LRRN1: variants seen among roughly 807,000 people sequenced by gnomAD.
The protein encoded by LRRN1 is leucine rich repeat neuronal 1.
A neutral mutation model predicts 45.8 loss-of-function variants in LRRN1; 14 were observed. That is an observed-to-expected ratio of 0.31 (90% CI 0.20 to 0.48). The LOEUF (loss-of-function observed/expected upper bound fraction) is 0.48. Ranked by LOEUF, LRRN1 falls within the 20% of genes least tolerant of loss-of-function variation. The pLI, the probability that LRRN1 is intolerant of heterozygous loss-of-function variation, is 0.99. For missense variants in LRRN1, 789 were observed against 874.2 expected (o/e 0.90, Z 1.23); for synonymous variants, 359 against 330.1 (o/e 1.09, Z -0.95).
chr3:3,809,183 G>A (rs1013348952), intron 1 of LRRN1, among the ~76,000 whole-genome samples: 2 of 151,930 alleles, frequency 1.3e-5, no homozygotes, highest in East Asian at 1.9e-4. Context: ...TGTTTCTGTC[G>A]CCCAGGCTGG....
intron 1 of LRRN1, among the ~76,000 whole-genome samples, chr3:3,825,804 G>A (rs977283665): frequency 2.6e-5 from 4 of 152,310 alleles, no homozygotes; most frequent in Non-Finnish European, 4.4e-5. Flanking sequence ...CTTCTGAGCA[G>A]AGAGTCACAC....
intron 1 of LRRN1, among the ~76,000 whole-genome samples, chr3:3,817,555 T>A (rs1337196826): frequency 6.6e-6 from 1 of 152,238 alleles, no homozygotes; most frequent in Non-Finnish European, 1.5e-5. Flanking sequence ...GGAAGGGATA[T>A]GTTCTTGACA....
chr3:3,806,690 T>C (rs1473657320), intron 1 of LRRN1, among the ~76,000 whole-genome samples: 1 of 152,208 alleles, frequency 6.6e-6, no homozygotes, highest in Non-Finnish European at 1.5e-5. Flanking sequence ...CTGCCTCATA[T>C]TTTAGAGCTT....
At chr3:3,817,767 A>G (rs574736504) in intron 1 of LRRN1, among the ~76,000 whole-genome samples, 5 of 152,322 alleles carry the variant, frequency 3.3e-5, no homozygotes, top group South Asian at 2.1e-4. Flanking sequence ...TTTAAAAAAT[A>G]TAACAAAAGA....
intron 1 of LRRN1, among the ~76,000 whole-genome samples, chr3:3,806,456 C>T (rs1158663485): frequency 2.6e-5 from 4 of 152,180 alleles, no homozygotes; most frequent in African/African-American, 7.2e-5. Context: ...CCTCTTTGAA[C>T]ATAAGGGGGT....
intron 1 of LRRN1, among the ~76,000 whole-genome samples, chr3:3,834,955 T>C (rs1693474733): frequency 6.6e-6 from 1 of 152,108 alleles, no homozygotes; most frequent in South Asian, 2.1e-4. Context: ...GTTAATGCTT[T>C]GTATCCCTCA....
At chr3:3,814,467 G>A (rs1408402151) in intron 1 of LRRN1, among the ~76,000 whole-genome samples, 3 of 151,892 alleles carry the variant, frequency 2.0e-5, no homozygotes, top group Non-Finnish European at 2.9e-5. Flanking sequence ...ACTCAGGGTT[G>A]TTTGCCCATC....
At position 3,846,950 on chromosome 3, in the gene LRRN1, G is replaced by C; in HGVS notation, c.*158G>C. On this transcript the variant is annotated 3_prime_UTR_variant, in exon 2 of 2. Coordinates refer to ENST00000319331, the MANE Select transcript of LRRN1 (RefSeq NM_020873.7). This position sits in a 1 kb window ranked among gnomAD's most constrained non-coding sequence, Gnocchi z 5.7. ...ATATTTCAAATTTTTTTAGTATAGC[G>C]TATCGCAAGGGTTTGACACGGCTGC... 3.4e-6 allele frequency: 2 copies of C among 585,192 alleles called. No individual in the cohort carries two copies. Among genetic ancestry groups the C allele is most frequent in the Non-Finnish European group, 5.9e-6 (2 of 336,500 alleles). The allele number at this position is 585,192 out of a possible 1,614,324, so 36.2% of individuals were successfully genotyped here. A position where few individuals can be genotyped will look rare whatever the true frequency, so the allele number is the denominator to read the frequency against.
At chr3:3,812,700 GTCTT>G (rs1257026926) in intron 1 of LRRN1, among the ~76,000 whole-genome samples, 1 of 151,538 alleles carries the variant, frequency 6.6e-6, no homozygotes. Context: ...GCATGTCATT[GTCTT>G]ACATGTGTGG....
intron 1 of LRRN1, among the ~76,000 whole-genome samples, chr3:3,828,950 C>A (rs891779179): frequency 1.3e-5 from 2 of 151,704 alleles, no homozygotes; most frequent in Non-Finnish European, 2.9e-5. Flanking sequence ...ATTCCCTTTG[C>A]CTTCAGCAAG....
In LRRN1 at chr3:3,846,078, T is replaced by C. The variant is rs1236477073; in HGVS notation, c.1437T>C (p.Ser479=). 6.2e-7 allele frequency: 1 copy of C among 1,614,086 alleles called. No individual in the cohort carries two copies. Among genetic ancestry groups the C allele is most frequent in the East Asian group, 2.2e-5 (1 of 44,876 alleles). Reference sequence around the variant, plus strand: ...CCCTTTCAGATAAATACAAGCTAAGTAGCGAAGGTACCTTGGAAATATCTA... The same window carrying C: ...CCCTTTCAGATAAATACAAGCTAAGCAGCGAAGGTACCTTGGAAATATCTA... ...VETLSDKYKL[S]SEGTLEISNI... Residue 479 remains serine, a synonymous_variant, in exon 2 of 2, where the codon AGT becomes AGC. Coordinates refer to ENST00000319331, the MANE Select transcript of LRRN1 (RefSeq NM_020873.7). The surrounding 1 kb of genome is among the most constrained non-coding windows in gnomAD (Gnocchi z 5.7).
At chr3:3,841,384 A>G (rs979294585) in intron 1 of LRRN1, among the ~76,000 whole-genome samples, 1 of 152,214 alleles carries the variant, frequency 6.6e-6, no homozygotes, top group Non-Finnish European at 1.5e-5. Flanking sequence ...TGACTGAGAA[A>G]TAACCTGTGG....
rs535307981 is a variant in LRRN1 at position 3,849,166 on chromosome 3, A to G, written c.*2374A>G. Among the ~76,000 whole-genome samples the G allele has an allele frequency of 3.3e-5, 5 of 152,340 alleles. No homozygotes were observed. In the East Asian group the frequency reaches 9.6e-4, roughly 29 times the overall value. ...AAATCTGCGAGGTTTCATTCGGCCC[A>G]TAAAGCAAACATTTGAACTTACACA... On this transcript the variant is annotated 3_prime_UTR_variant, in exon 2 of 2. Coordinates refer to ENST00000319331, the MANE Select transcript of LRRN1 (RefSeq NM_020873.7).
chr3:3,833,751 C>T (rs191993568), intron 1 of LRRN1, among the ~76,000 whole-genome samples: 33 of 152,230 alleles, frequency 2.2e-4, no homozygotes, highest in Middle Eastern at 3.4e-3. Flanking sequence ...CAGACAAAGG[C>T]GGAAAGGCCT....
chr3:3,830,881 C>T (rs1693357471), intron 1 of LRRN1, among the ~76,000 whole-genome samples: 1 of 152,182 alleles, frequency 6.6e-6, no homozygotes, highest in Non-Finnish European at 1.5e-5. Context: ...AGCCTAGTAA[C>T]AGGCCAAGAG....
In LRRN1 at chr3:3,799,852, TGCCGCC is replaced by T. The variant is rs200165542; in HGVS notation, c.-335_-330del. The T allele has an allele frequency of 6.1e-6, 1 of 163,544 alleles. No homozygotes were observed. The highest frequency in any genetic ancestry group is 1.3e-5 in the Non-Finnish European group (1 of 75,958). 10.1% of individuals were successfully genotyped at this position (163,544 alleles called of 1,614,324 possible). A position where few individuals can be genotyped will look rare whatever the true frequency, so the allele number is the denominator to read the frequency against. On this transcript the variant is annotated 5_prime_UTR_variant, in exon 1 of 2. Coordinates refer to ENST00000319331, the MANE Select transcript of LRRN1 (RefSeq NM_020873.7). ...GTCTTTCTCCTCCTCCTGCTGCTGC[TGCCGCC>T]GCCGCCGCCGTGGGTGCCGGGTCCG...
At position 3,829,530 on chromosome 3, in the gene LRRN1, T is replaced by C. The variant is rs577860151; in HGVS notation, c.-278-14834T>C. 3.3e-5 allele frequency among the ~76,000 whole-genome samples: 5 copies of C among 152,322 alleles called. No homozygotes were observed. The East Asian group carries it at 9.7e-4, about 29-fold the overall frequency. On this transcript the variant is annotated intron_variant, in intron 1 of 1. Transcript: ENST00000319331. ...ATGTATTGGATGCTGATTCAGAGCATACACAGCCTTCTGGAGAACTTTGCT... is the reference window on the plus strand; with the variant it reads ...ATGTATTGGATGCTGATTCAGAGCACACACAGCCTTCTGGAGAACTTTGCT...
chr3:3,845,820 G>A lies in LRRN1; in HGVS notation c.1179G>A (p.Glu393=), dbSNP rs1575305438. Residue 393 remains glutamate, a synonymous_variant, in exon 2 of 2, where the codon GAG becomes GAA. Transcript: ENST00000319331. This position sits in a 1 kb window ranked among gnomAD's most constrained non-coding sequence, Gnocchi z 6.5. ...NSNKTNIRFM[E]PLSMFCAMPP... ...ACAAAACCAACATCCGCTTCATGGA[G>A]CCCCTGTCCATGTTCTGTGCCATGC... The A allele has an allele frequency of 3.7e-6, 6 of 1,614,114 alleles. No individual in the cohort carries two copies. Among genetic ancestry groups the A allele is most frequent in the Non-Finnish European group, 5.1e-6 (6 of 1,180,022 alleles).
chr3:3,807,209 TAAAA>T (rs139761073), intron 1 of LRRN1, among the ~76,000 whole-genome samples: 1 of 152,030 alleles, frequency 6.6e-6, no homozygotes, highest in Non-Finnish European at 1.5e-5. Context: ...CTTAGCCACT[TAAAA>T]AAAGACTTGT....
Sources: gnomAD v4.1 joint callset for allele counts (sites outside exome capture counted in the v4.1 genomes callset) on GRCh38, gnomAD v4.1.1 for gene constraint, Gnocchi (gnomAD v3.1) non-coding constraint, MANE v1.5 for transcripts, NCBI Gene and HGNC (gene_info 2026-07-23, HGNC 2026-07-21) for gene names.